Variants in SGK3 observed in about 807,000 individuals in gnomAD.
SGK3 encodes the protein serine/threonine-protein kinase Sgk3.
In SGK3, 47 loss-of-function variants were observed where a neutral mutation model predicts 68.5. The observed-to-expected ratio is 0.69, with a 90% CI of 0.54 to 0.87. SGK3 has a LOEUF of 0.87. SGK3 is among the 40% of genes least tolerant of loss of function. The pLI is 0.00. For synonymous variants in SGK3, 181 were observed against 189.1 expected, an observed-to-expected ratio of 0.96 and a Z score of 0.35; for missense variants, 479 against 575.5, an observed-to-expected ratio of 0.83 and a Z score of 1.72.
chr8:66,834,732 G>A (rs1809441092), intron 8 of SGK3, among the ~76,000 whole-genome samples: 1 of 151,900 alleles, frequency 6.6e-6, no homozygotes, highest in African/African-American at 2.4e-5. Context: ...AGGAAATCGA[G>A]ACCGTCCTGG....
At chr8:66,823,065 C>T (rs1808910191) in intron 6 of SGK3, among the ~76,000 whole-genome samples, 1 of 152,032 alleles carries the variant, frequency 6.6e-6, no homozygotes, top group Admixed American at 6.5e-5. Context: ...TTTTTAACAT[C>T]CTGGTGATTT....
At chr8:66,815,116 C>T (rs1477915476) in intron 5 of SGK3, among the ~76,000 whole-genome samples, 1 of 152,152 alleles carries the variant, frequency 6.6e-6, no homozygotes, top group Admixed American at 6.5e-5. Context: ...ATGATGATTA[C>T]CATTTATATG....
intron 5 of SGK3, among the ~76,000 whole-genome samples, chr8:66,815,357 G>A (rs1808536232): frequency 2.0e-5 from 3 of 152,172 alleles, no homozygotes; most frequent in Admixed American, 2.0e-4. Context: ...AGTAAGAACA[G>A]GTATCCTCTG....
chr8:66,717,262 G>C (rs1341965458), intron 1 of SGK3, among the ~76,000 whole-genome samples: 1 of 150,766 alleles, frequency 6.6e-6, no homozygotes, highest in Non-Finnish European at 1.5e-5. Flanking sequence ...GGGCTTGGTG[G>C]CTCACGCCTA....
At chr8:66,731,796 A>G (rs919124440) in intron 1 of SGK3, among the ~76,000 whole-genome samples, 2 of 152,220 alleles carry the variant, frequency 1.3e-5, no homozygotes, top group Non-Finnish European at 2.9e-5. Flanking sequence ...GGCCTCCCAA[A>G]GTGCTGGGAT....
At position 66,859,941 on chromosome 8, in the gene SGK3, C is replaced by T. The variant is rs778437354; in HGVS notation, c.*360C>T. The T allele has an allele frequency of 6.0e-6, 1 of 167,870 alleles. No homozygotes were observed. Among genetic ancestry groups the T allele is most frequent in the Non-Finnish European group, 1.3e-5 (1 of 77,414 alleles). The allele number at this position is 167,870 out of a possible 1,614,324, so 10.4% of individuals were successfully genotyped here. A position where few individuals can be genotyped will look rare whatever the true frequency, so the allele number is the denominator to read the frequency against. ...TGTTTTTTAACAGTCAATTTCAGTT[C>T]AGCTAACATATATTAATACCTTTGT... On this transcript the variant is annotated 3_prime_UTR_variant, in exon 17 of 17. Transcript: ENST00000521198.
rs1563595207 is a variant in SGK3, at chr8:66,723,116, TATATA to T, written c.-122+10284_-122+10288del. Among the ~76,000 whole-genome samples, 68 of 52,306 alleles carry T rather than the reference TATATA, an allele frequency of 1.3e-3. 1 individual carries two copies. Among genetic ancestry groups the T allele is most frequent in the African/African-American group, 5.2e-3 (65 of 12,560 alleles). 34.3% of individuals were successfully genotyped at this position (52,306 alleles called of 152,430 possible). On this transcript the variant is annotated intron_variant, in intron 1 of 16. Transcript: ENST00000521198. ...ATATATATATATATATATATATATA[TATATA>T]TATATATATATTTTTTTTTTTTTTT...
Position 66,859,825 on chromosome 8 carries a change from T to G in SGK3, c.*244T>G. The G allele has an allele frequency of 5.2e-6, 2 of 382,160 alleles. No individual in the cohort carries two copies. The highest frequency in any genetic ancestry group is 4.4e-6 in the Non-Finnish European group (1 of 228,390). The allele number at this position is 382,160 out of a possible 1,614,324, so 23.7% of individuals were successfully genotyped here. On this transcript the variant is annotated 3_prime_UTR_variant, in exon 17 of 17. Coordinates refer to ENST00000521198, the MANE Select transcript of SGK3 (RefSeq NM_001033578.3). ...TTTTTAAACAATTTAAAAGCTATTA[T>G]TCTTAGCATTAACCTATTTTTAAAG...
intron 1 of SGK3, among the ~76,000 whole-genome samples, chr8:66,756,476 C>G (rs60773515): frequency 0.13 from 19,352 of 151,472 alleles, 2,329 homozygotes; most frequent in African/African-American, 0.31. Context: ...GGGAGGAAAA[C>G]CATGGTATCC....
At chr8:66,837,079 T>G (rs1488676979) in intron 10 of SGK3, among the ~76,000 whole-genome samples, 1 of 152,126 alleles carries the variant, frequency 6.6e-6, no homozygotes, top group Non-Finnish European at 1.5e-5. Context: ...AATTTTACCT[T>G]CACAACAATC....
intron 2 of SGK3, 75 bp from the exon 3 acceptor site, chr8:66,798,467 T>A: frequency 7.6e-7 from 1 of 1,323,254 alleles, no homozygotes; most frequent in Non-Finnish European, 1.0e-6. Flanking sequence ...TTAAAACAGG[T>A]TTCATGTATT....
At chr8:66,845,411 A>G (rs1465812416) in intron 14 of SGK3, among the ~76,000 whole-genome samples, 1 of 152,200 alleles carries the variant, frequency 6.6e-6, no homozygotes, top group Non-Finnish European at 1.5e-5. Context: ...AAAAAAACAA[A>G]AAACAAAAAA....
intron 7 of SGK3, among the ~76,000 whole-genome samples, 190 bp downstream of exon 7, chr8:66,828,893 A>T (rs1809177163): frequency 7.9e-6 from 1 of 127,126 alleles, no homozygotes; most frequent in African/African-American, 3.0e-5. Context: ...AGCCCTGAGG[A>T]ATTTTTAATC....
intron 16 of SGK3, among the ~76,000 whole-genome samples, chr8:66,856,510 G>A (rs2130761235): frequency 6.6e-6 from 1 of 152,294 alleles, no homozygotes; most frequent in South Asian, 2.1e-4. Flanking sequence ...CTGAAAATCT[G>A]AAATTCAAAA....
chr8:66,847,338 A>T lies in SGK3; in HGVS notation c.1220A>T (p.Lys407Met). The T allele has an allele frequency of 6.2e-7, 1 of 1,613,544 alleles. No homozygotes were observed. Among genetic ancestry groups the T allele is most frequent in the Non-Finnish European group, 8.5e-7 (1 of 1,179,850 alleles). ...EKDRQNRLGA[K>M]EDFLEIQNHP... ...GACAGGCAAAATCGACTTGGTGCCA[A>T]GGAAGACTTTGTATGTAACAGCTTT... Residue 407 changes from lysine (K) to methionine (M), a missense_variant, in exon 15 of 17, where the codon AAG becomes ATG. Lys to Met is a moderately conservative substitution (Grantham distance 95). Coordinates refer to ENST00000521198, the MANE Select transcript of SGK3 (RefSeq NM_001033578.3).
chr8:66,732,602 C>T (rs11987280), intron 1 of SGK3, among the ~76,000 whole-genome samples: 20,149 of 152,106 alleles, frequency 0.13, 2,568 homozygotes, highest in African/African-American at 0.33. Flanking sequence ...CCCAGCACTT[C>T]GGGAGGCCGA....
Position 66,747,196 on chromosome 8 carries a change from G to A in SGK3, c.-122+34363G>A, listed in dbSNP as rs530490460. ...ATTCATAATTCAAAGCATGCTGAAT[G>A]TAGCTTTCTGAAAGTTGTTCTCATG... On this transcript the variant is annotated intron_variant, in intron 1 of 16. Transcript: ENST00000521198. 1.1e-4 allele frequency among the ~76,000 whole-genome samples: 16 copies of A among 152,232 alleles called. No individual in the cohort carries two copies. The East Asian group carries it at 3.1e-3, about 29-fold the overall frequency.
chr8:66,730,614 T>C (rs532580508), intron 1 of SGK3, among the ~76,000 whole-genome samples: 1 of 152,310 alleles, frequency 6.6e-6, no homozygotes, highest in Non-Finnish European at 1.5e-5. Context: ...TTTGAGTTAA[T>C]TTTTGTTTAT....
At chr8:66,833,394 C>T (rs1037597371) in intron 8 of SGK3, among the ~76,000 whole-genome samples, 3 of 152,170 alleles carry the variant, frequency 2.0e-5, no homozygotes, top group African/African-American at 4.8e-5. Context: ...TATCCTGACA[C>T]CAGTACCACA....
Sources: gnomAD v4.1 joint callset for allele counts (sites outside exome capture counted in the v4.1 genomes callset) on GRCh38, gnomAD v4.1.1 for gene constraint, MANE v1.5 for transcripts, NCBI Gene and HGNC (gene_info 2026-07-23, HGNC 2026-07-21) for gene names.